The following CP variants were observed in gnomAD, a reference collection of about 807,000 sequenced individuals.
CP encodes caeruloplasmin.
CP carries 64 observed loss-of-function variants against 122.4 expected under a neutral mutation model. The observed-to-expected ratio is 0.52, with a 90% confidence interval of 0.43 to 0.64. The LOEUF (loss-of-function observed/expected upper bound fraction) is 0.64. Ranked by LOEUF, CP falls within the 30% of genes least tolerant of loss-of-function variation. The probability of loss-of-function intolerance (pLI) is 0.00; values close to 1 mark genes in which losing one functional copy is unlikely to be tolerated. For missense variants in CP, 1,167 were observed against 1,284.4 expected (o/e 0.91, Z 1.40); for synonymous variants, 440 against 436.4 (o/e 1.01, Z -0.10).
downstream of CP, chr3:149,172,407 T>A (rs1340383224): frequency 3.7e-6 from 2 of 534,048 alleles, no homozygotes; most frequent in African/African-American, 3.8e-5. Flanking sequence ...TAGTGGTAAC[T>A]ATTCACTTCT....
intron 8 of CP, 117 bp downstream of exon 8, chr3:149,199,595 G>T (rs1021018200): frequency 1.7e-6 from 2 of 1,199,386 alleles, no homozygotes; most frequent in Admixed American, 1.7e-5. Context: ...GCCTAGAAAT[G>T]ATATATGAGC....
chr3:149,187,622 T>G (rs1726260003), intron 10 of CP, among the ~76,000 whole-genome samples: 1 of 152,240 alleles, frequency 6.6e-6, no homozygotes, highest in Non-Finnish European at 1.5e-5. Context: ...CAAATGAGCC[T>G]GTCATTTTTG....
intron 8 of CP, among the ~76,000 whole-genome samples, chr3:149,199,083 G>A (rs2108270532): frequency 6.6e-6 from 1 of 152,304 alleles, no homozygotes; most frequent in South Asian, 2.1e-4. Flanking sequence ...CACACTGCAA[G>A]TGGTAGCAAA....
intron 1 of CP, chr3:149,217,725 T>G (rs1249492597): frequency 5.3e-6 from 1 of 187,048 alleles, no homozygotes; most frequent in Admixed American, 6.2e-5. Flanking sequence ...TAAAAATATT[T>G]TATTTGCTTC....
At chr3:149,162,817 T>C in exon 6 of CP, 1 of 1,614,056 alleles carries the variant, frequency 6.2e-7, no homozygotes. Context: ...TCACAGTACA[T>C]CTGGAGATTG....
rs1559942487 is a variant in CP, at chr3:149,188,164, T to C, written c.1752A>G (p.Val584=). 1 of 1,612,542 alleles carries C rather than the reference T, an allele frequency of 6.2e-7. No homozygotes were observed. The highest frequency in any genetic ancestry group is 1.7e-5 in the Admixed American group (1 of 60,002). ...VDKEFYLFPT[V]FDENESLLLE... ...GGAGTAAACTCTCATTCTCATCAAA[T>C]ACTGTAGGAAACAAATAGAATTCCT... The change falls in exon 10 of 19, where the codon GTA becomes GTG. Residue 584 remains valine, a synonymous_variant. Transcript: ENST00000264613.
At chr3:149,171,985 G>A (rs1219683039), downstream of CP, 26 of 1,042,736 alleles carry the variant, frequency 2.5e-5, no homozygotes, top group Non-Finnish European at 2.7e-5. Flanking sequence ...GATTACAGGC[G>A]TGAGCCACCA....
intron 7 of CP, 31 bp from the exon 8 acceptor site, chr3:149,199,895 C>G: frequency 6.2e-7 from 1 of 1,609,760 alleles, no homozygotes; most frequent in Non-Finnish European, 8.5e-7. Context: ...ATTATCCTTC[C>G]TTGGTATGTA....
intron 5 of CP, among the ~76,000 whole-genome samples, chr3:149,165,455 G>T (rs904884078): frequency 4.0e-5 from 6 of 151,202 alleles, no homozygotes; most frequent in African/African-American, 1.5e-4. Flanking sequence ...GCTGTTGAAG[G>T]AGAAACATAG....
intron 5 of CP, among the ~76,000 whole-genome samples, chr3:149,164,864 A>C (rs1238965688): frequency 2.0e-5 from 3 of 152,146 alleles, no homozygotes; most frequent in African/African-American, 7.2e-5. Context: ...ATGCATCTTC[A>C]TCATTTGATT....
At chr3:149,218,480 G>A (rs567455620) in intron 1 of CP, among the ~76,000 whole-genome samples, 1 of 152,076 alleles carries the variant, frequency 6.6e-6, no homozygotes, top group Non-Finnish European at 1.5e-5. Context: ...TAATACCAGA[G>A]AAGTAAACTT....
intron 6 of CP, among the ~76,000 whole-genome samples, chr3:149,203,323 G>A (rs1332929994): frequency 6.6e-6 from 1 of 152,074 alleles, no homozygotes; most frequent in African/African-American, 2.4e-5. Flanking sequence ...GAGTGCCGTG[G>A]TGTGATCTTG....
chr3:149,177,692 G>T, intron 17 of CP, 148 bp downstream of exon 17: 1 of 862,118 alleles, frequency 1.2e-6, no homozygotes, highest in Non-Finnish European at 1.9e-6. Context: ...ATCCATGATT[G>T]AATCCTGGGT....
chr3:149,204,061 G>A (rs569062852), intron 6 of CP, among the ~76,000 whole-genome samples: 1 of 152,314 alleles, frequency 6.6e-6, no homozygotes, highest in African/African-American at 2.4e-5. Flanking sequence ...TTAGAGAAAA[G>A]AGCGAGCATG....
intron 9 of CP, among the ~76,000 whole-genome samples, chr3:149,195,183 T>G (rs1298742772): frequency 6.6e-6 from 1 of 152,236 alleles, no homozygotes; most frequent in African/African-American, 2.4e-5. Context: ...CAATATAGTT[T>G]GTAATAACGC....
intron 4 of CP, 124 bp from the exon 5 acceptor site, chr3:149,207,741 C>A: frequency 2.2e-6 from 2 of 921,788 alleles, no homozygotes; most frequent in South Asian, 1.4e-5. Context: ...GGTATTCTTG[C>A]CCCCTATACT....
In CP at chr3:149,209,196, C is replaced by G. The variant is rs766372836; in HGVS notation, c.781+15G>C. 3 of 1,613,324 alleles carry G rather than the reference C, an allele frequency of 1.9e-6. No homozygotes were observed. Among genetic ancestry groups the G allele is most frequent in the Non-Finnish European group, 2.5e-6 (3 of 1,179,436 alleles). ...GGAAAAAAAAGTAAAGTTAACATGT[C>G]TGCTGTAATCTTACAATACATTCTG... is the stretch of plus-strand genomic sequence containing the variant. On this transcript the variant is annotated intron_variant, in intron 4 of 18. Transcript: ENST00000264613.
intron 7 of CP, among the ~76,000 whole-genome samples, chr3:149,201,750 C>T (rs1007851477): frequency 1.3e-5 from 2 of 152,124 alleles, no homozygotes; most frequent in African/African-American, 4.8e-5. Context: ...TACGTGCCAC[C>T]ACGCCCTGCT....
At chr3:149,195,611 T>TA (rs1726848777) in intron 9 of CP, among the ~76,000 whole-genome samples, 1 of 152,182 alleles carries the variant, frequency 6.6e-6, no homozygotes, top group Non-Finnish European at 1.5e-5. Context: ...TTTGTTTATT[T>TA]AAAAATGGAA....
Sources: gnomAD v4.1 joint callset for allele counts (sites outside exome capture counted in the v4.1 genomes callset) on GRCh38, gnomAD v4.1.1 for gene constraint, MANE v1.5 for transcripts, NCBI Gene and HGNC (gene_info 2026-07-23, HGNC 2026-07-21) for gene names.